The following ADGRG5 variants were observed in gnomAD, a reference collection of about 807,000 sequenced individuals.
ADGRG5 encodes the protein adhesion G protein-coupled receptor G5, also known as G protein-coupled receptor 114.
In ADGRG5, 37 loss-of-function variants were observed where a neutral mutation model predicts 53.2. The ratio of observed to expected loss-of-function variants is 0.70; its 90% CI spans 0.53 to 0.91. The LOEUF is 0.91. Among genes scored for constraint, ADGRG5 ranks in the 40% least tolerant of loss-of-function variants. The pLI is 0.00. For missense variants in ADGRG5, 614 were observed against 675.8 expected (o/e 0.91, Z 1.01); for synonymous variants, 277 against 290.4 (o/e 0.95, Z 0.47).
intron 1 of ADGRG5, among the ~76,000 whole-genome samples, chr16:57,545,875 G>C (rs967035526): frequency 6.6e-6 from 1 of 152,112 alleles, no homozygotes; most frequent in East Asian, 1.9e-4. Context: ...ACCCAGGCTG[G>C]AGTGCAGTGA....
intron 10 of ADGRG5, among the ~76,000 whole-genome samples, chr16:57,571,253 C>T (rs568823886): frequency 2.0e-5 from 3 of 152,298 alleles, no homozygotes; most frequent in African/African-American, 4.8e-5. Flanking sequence ...CCTTGGGTAT[C>T]AGCTGGCTTC....
chr16:57,538,303 G>C (rs1173231215), upstream of ADGRG5, among the ~76,000 whole-genome samples: 2 of 152,122 alleles, frequency 1.3e-5, no homozygotes, highest in Non-Finnish European at 2.9e-5. Flanking sequence ...AATGAGAAAA[G>C]TGAAGATCAG....
intron 1 of ADGRG5, 144 bp downstream of exon 1, chr16:57,542,845 C>G (rs2032519795): frequency 6.6e-6 from 1 of 152,472 alleles, no homozygotes; most frequent in Non-Finnish European, 1.5e-5. Flanking sequence ...GGGGACCCAC[C>G]CTCCTTCCCT....
intron 1 of ADGRG5, among the ~76,000 whole-genome samples, chr16:57,550,628 C>T (rs1270853954): frequency 6.6e-6 from 1 of 152,100 alleles, no homozygotes; most frequent in East Asian, 1.9e-4. Flanking sequence ...AGGAGTTTTA[C>T]AGGCATATCT....
intron 1 of ADGRG5, among the ~76,000 whole-genome samples, chr16:57,555,134 ATG>A (rs1406287100): frequency 2.0e-5 from 3 of 152,172 alleles, no homozygotes; most frequent in Admixed American, 1.3e-4. Context: ...TGAAAAGAAT[ATG>A]TATTTTGCGT....
At chr16:57,535,403 C>A in the ADGRG5 span, among the ~76,000 whole-genome samples, 1 of 152,140 alleles carries the variant, frequency 6.6e-6, no homozygotes, top group African/African-American at 2.4e-5. Flanking sequence ...ACATATGGAC[C>A]AACTGAGGCC....
chr16:57,550,003 T>C (rs1255777206), intron 1 of ADGRG5, among the ~76,000 whole-genome samples: 2 of 152,164 alleles, frequency 1.3e-5, no homozygotes, highest in East Asian at 3.9e-4. Flanking sequence ...TAACATGTAG[T>C]TCCAGCTCTG....
At chr16:57,554,945 T>G (rs1214099486) in intron 1 of ADGRG5, among the ~76,000 whole-genome samples, 3 of 152,188 alleles carry the variant, frequency 2.0e-5, no homozygotes, top group Admixed American at 2.0e-4. Flanking sequence ...TAATAGTGTA[T>G]TATTTAATTT....
chr16:57,532,176 C>G, the ADGRG5 span, among the ~76,000 whole-genome samples: 3 of 152,094 alleles, frequency 2.0e-5, no homozygotes, highest in Non-Finnish European at 4.4e-5. Flanking sequence ...GACACTTGGC[C>G]CTATACCCGA....
rs1430521707 is a variant in ADGRG5, at chr16:57,567,975, G to A, written c.941G>A (p.Cys314Tyr). The A allele has an allele frequency of 5.0e-6, 8 of 1,614,024 alleles. No homozygotes were observed. Among genetic ancestry groups the A allele is most frequent in the Non-Finnish European group, 6.8e-6 (8 of 1,179,976 alleles). ...ATGTCTCCTGTGCCCGGGTCAGCAT[G>A]CACGGCTCTGGCCGCTGCCCTGCAC... ...FAMSPVPGSA[C>Y]TALAAALHYA... The change falls in exon 9 of 12, where the codon TGC (cysteine) becomes TAC (tyrosine). Residue 314 changes from cysteine to tyrosine, a missense_variant. Physicochemically the swap from Cys to Tyr is radical, Grantham distance 194 (BLOSUM62 -2). Coordinates refer to ENST00000349457, the MANE Select transcript of ADGRG5 (RefSeq NM_001304376.3).
At chr16:57,568,370 TCACCTCCTC>T (rs1361396661) in intron 9 of ADGRG5, among the ~76,000 whole-genome samples, 4 of 150,046 alleles carry the variant, frequency 2.7e-5, no homozygotes, top group Non-Finnish European at 4.4e-5. Flanking sequence ...ATTATCACCA[TCACCTCCTC>T]CACCTCCTCC....
At position 57,570,423 on chromosome 16, in the gene ADGRG5, C is replaced by T. The variant is rs1462754984; in HGVS notation, c.1096C>T (p.Pro366Ser). ...GCCTTTGTCCCACCCCTCAGGGGCC[C>T]CAGCCCTCCTGGTGCTGCTTTCCCT... is the stretch of plus-strand genomic sequence containing the variant. ...FKLGVLGWGA[P>S]ALLVLLSLSV... The change falls in exon 10 of 12, where the codon CCA becomes TCA. Residue 366 changes from proline to serine, a missense_variant. Pro to Ser is a moderately conservative substitution (Grantham distance 74, BLOSUM62 -1). Coordinates refer to ENST00000349457, the MANE Select transcript of ADGRG5 (RefSeq NM_001304376.3). 1.2e-6 allele frequency: 2 copies of T among 1,611,668 alleles called. No homozygotes were observed. The highest frequency in any genetic ancestry group is 1.1e-5 in the South Asian group (1 of 91,044).
chr16:57,543,455 G>A (rs986543275), intron 1 of ADGRG5, among the ~76,000 whole-genome samples: 12 of 152,016 alleles, frequency 7.9e-5, no homozygotes, highest in African/African-American at 1.9e-4. Context: ...GCTAATTTTC[G>A]TAATTTTAGT....
At chr16:57,560,334 G>A (rs2032972436) in intron 1 of ADGRG5, among the ~76,000 whole-genome samples, 1 of 152,232 alleles carries the variant, frequency 6.6e-6, no homozygotes, top group South Asian at 2.1e-4. Flanking sequence ...AAGGATGTGT[G>A]TTTTGAAATT....
At chr16:57,559,936 C>T (rs886449622) in intron 1 of ADGRG5, among the ~76,000 whole-genome samples, 15 of 152,044 alleles carry the variant, frequency 9.9e-5, no homozygotes, top group African/African-American at 2.9e-4. Context: ...AATCATGTAG[C>T]GGCATTTCGT....
chr16:57,548,424 C>G (rs1207748130), intron 1 of ADGRG5, among the ~76,000 whole-genome samples: 1 of 152,136 alleles, frequency 6.6e-6, no homozygotes. Context: ...TATACTCACT[C>G]ATTTATGTAT....
intron 6 of ADGRG5, 180 bp downstream of exon 6, chr16:57,565,330 C>A (rs778159751): frequency 1.9e-5 from 12 of 617,036 alleles, no homozygotes; most frequent in African/African-American, 3.7e-5. Flanking sequence ...TGTCAGAATT[C>A]TTTCAGTTGC....
At chr16:57,566,496 T>TTGGCAAA (rs1207275029) in intron 6 of ADGRG5, 103 bp from the exon 7 acceptor site, 16 of 1,045,080 alleles carry the variant, frequency 1.5e-5, no homozygotes, top group African/African-American at 1.6e-5. Flanking sequence ...TGGTAAAATG[T>TTGGCAAA]TGGCAAATGT....
chr16:57,569,719 G>T (rs1262183942), intron 9 of ADGRG5, among the ~76,000 whole-genome samples: 4 of 91,802 alleles, frequency 4.4e-5, no homozygotes, highest in South Asian at 4.0e-4. Context: ...TATCACCATC[G>T]TCATCACATC....
Sources: allele counts gnomAD v4.1 joint callset (sites outside exome capture counted in the v4.1 genomes callset), GRCh38; gene constraint gnomAD v4.1.1; transcripts MANE v1.5; gene names NCBI Gene and HGNC (gene_info 2026-07-23, HGNC 2026-07-21).